SEC22A: variants seen among roughly 807,000 people sequenced by gnomAD.
The protein encoded by SEC22A is vesicle-trafficking protein SEC22a.
Under a neutral mutation model 35.3 loss-of-function variants are expected in SEC22A, and 22 were observed. The observed-to-expected ratio is 0.62, with a 90% CI of 0.45 to 0.89. The LOEUF is 0.89. Among genes scored for constraint, SEC22A ranks in the 40% least tolerant of loss-of-function variants. SEC22A has a pLI of 0.00. For synonymous variants in SEC22A, 119 were observed against 129.5 expected, an observed-to-expected ratio of 0.92 and a Z score of 0.55; for missense variants, 354 against 362.5, an observed-to-expected ratio of 0.98 and a Z score of 0.19.
chr3:123,226,666 G>A (rs1050374531), intron 4 of SEC22A, among the ~76,000 whole-genome samples: 9 of 152,174 alleles, frequency 5.9e-5, no homozygotes, highest in African/African-American at 2.2e-4. Context: ...CATTCTGTGG[G>A]TTGTCTCTTC....
chr3:123,207,908 T>G (rs1936877180), intron 1 of SEC22A, among the ~76,000 whole-genome samples: 1 of 152,236 alleles, frequency 6.6e-6, no homozygotes, highest in Admixed American at 6.5e-5. Context: ...TTCCTTTAGC[T>G]TTAGGATTTA....
At chr3:123,268,534 G>C (rs1449883250) in intron 6 of SEC22A, among the ~76,000 whole-genome samples, 1 of 152,154 alleles carries the variant, frequency 6.6e-6, no homozygotes. Flanking sequence ...AGGGAAAAGT[G>C]TGTCTACTCC....
intron 4 of SEC22A, among the ~76,000 whole-genome samples, chr3:123,228,946 A>T (rs1937265159): frequency 6.6e-6 from 1 of 152,212 alleles, no homozygotes; most frequent in African/African-American, 2.4e-5. Flanking sequence ...GATAGAGATT[A>T]TCTAATCTGA....
chr3:123,217,785 A>G (rs1285060111), intron 2 of SEC22A, among the ~76,000 whole-genome samples: 1 of 152,192 alleles, frequency 6.6e-6, no homozygotes, highest in Non-Finnish European at 1.5e-5. Flanking sequence ...TTATGTATAT[A>G]TCTTGGTTTG....
chr3:123,262,764 G>A (rs1221771248), intron 6 of SEC22A, among the ~76,000 whole-genome samples: 3 of 152,140 alleles, frequency 2.0e-5, no homozygotes, highest in Admixed American at 1.3e-4. Flanking sequence ...AGTATATCAG[G>A]ATGTGACCCT....
chr3:123,240,188 G>C (rs1284401511), intron 4 of SEC22A, among the ~76,000 whole-genome samples: 1 of 152,104 alleles, frequency 6.6e-6, no homozygotes, highest in Non-Finnish European at 1.5e-5. Context: ...TGGTCAGCAA[G>C]GCCCAAGAGG....
intron 4 of SEC22A, among the ~76,000 whole-genome samples, chr3:123,226,160 A>G (rs534220559): frequency 6.6e-6 from 1 of 152,316 alleles, no homozygotes; most frequent in East Asian, 1.9e-4. Flanking sequence ...AGTAAACATG[A>G]GAATGCAGAT....
chr3:123,250,634 GC>G (rs1181601849), intron 5 of SEC22A, among the ~76,000 whole-genome samples: 1 of 152,120 alleles, frequency 6.6e-6, no homozygotes, highest in Non-Finnish European at 1.5e-5. Flanking sequence ...TAGATCCCCA[GC>G]CATAATGGAG....
rs533386545 is a variant in SEC22A, at chr3:123,260,131, C to CAAAAAAAAAAAAAA, written c.723+567_723+580dup. On this transcript the variant is annotated intron_variant, in intron 6 of 6. Coordinates refer to ENST00000492595, the MANE Select transcript of SEC22A (RefSeq NM_012430.5). ...TGGGCAACAGAGCGAGACTACATCT[C>CAAAAAAAAAAAAAA]AAAAAAAAAAAAAAAAAAAAAAAAA... Among the ~76,000 whole-genome samples the CAAAAAAAAAAAAAA allele has an allele frequency of 9.4e-4, 47 of 49,784 alleles. 5 individuals are homozygous for CAAAAAAAAAAAAAA. The highest frequency in any genetic ancestry group is 1.3e-3 in the Non-Finnish European group (39 of 31,072). 32.7% of individuals were successfully genotyped at this position (49,784 alleles called of 152,430 possible).
At chr3:123,241,002 T>TAC (rs35775511) in intron 4 of SEC22A, among the ~76,000 whole-genome samples, 8,519 of 142,596 alleles carry the variant, frequency 0.06, 334 homozygotes, top group African/African-American at 0.11. Flanking sequence ...CTCTCTTTCT[T>TAC]ACACACACAC....
At chr3:123,223,743 T>TC (rs751712554) in intron 3 of SEC22A, 21 bp downstream of exon 3, 1 of 1,586,302 alleles carries the variant, frequency 6.3e-7, no homozygotes, top group East Asian at 2.2e-5. Flanking sequence ...GATTTTTTTT[T>TC]CCTTTTTATT....
intron 5 of SEC22A, among the ~76,000 whole-genome samples, chr3:123,251,451 G>C (rs1331380988): frequency 6.6e-6 from 1 of 152,070 alleles, no homozygotes; most frequent in Non-Finnish European, 1.5e-5. Flanking sequence ...GGTTCATATG[G>C]GGATTCTTAG....
At chr3:123,241,700 T>G (rs2108072219) in intron 4 of SEC22A, among the ~76,000 whole-genome samples, 1 of 152,308 alleles carries the variant, frequency 6.6e-6, no homozygotes, top group East Asian at 1.9e-4. Context: ...TTCAGTAGTA[T>G]TCACTTAATG....
chr3:123,235,613 A>G (rs766449219), intron 4 of SEC22A, among the ~76,000 whole-genome samples: 20 of 152,210 alleles, frequency 1.3e-4, no homozygotes, highest in Non-Finnish European at 2.2e-4. Context: ...ACTTTGGAAA[A>G]CAGTTTGGAA....
Position 123,225,645 on chromosome 3 carries a change from A to T in SEC22A, c.541+348A>T, listed in dbSNP as rs187290535. 6.6e-5 allele frequency among the ~76,000 whole-genome samples: 10 copies of T among 152,346 alleles called. 1 individual carries two copies. Among genetic ancestry groups the T allele is most frequent in the Admixed American group, 4.6e-4 (7 of 15,302 alleles). ...GTATGCAATGTGTAATAATCACATT[A>T]GGGTAAATGGGGTATTCATCACCTC... On this transcript the variant is annotated intron_variant, in intron 4 of 6. Transcript: ENST00000492595.
chr3:123,238,137 G>A (rs1253494044), intron 4 of SEC22A, among the ~76,000 whole-genome samples: 1 of 150,948 alleles, frequency 6.6e-6, no homozygotes, highest in African/African-American at 2.4e-5. Context: ...CTGGGTGACA[G>A]AGTGAGACCC....
chr3:123,268,239 AG>A (rs1388540987), intron 6 of SEC22A, among the ~76,000 whole-genome samples: 1 of 152,208 alleles, frequency 6.6e-6, no homozygotes, highest in Non-Finnish European at 1.5e-5. Flanking sequence ...TGTCTTGCTA[AG>A]GTGCCTCTTT....
chr3:123,206,807 G>T (rs545524981), intron 1 of SEC22A, among the ~76,000 whole-genome samples: 29 of 152,328 alleles, frequency 1.9e-4, no homozygotes, highest in Admixed American at 1.9e-3. Context: ...GAATGGAGAG[G>T]CTGGGCGTGG....
intron 1 of SEC22A, among the ~76,000 whole-genome samples, chr3:123,204,217 A>G (rs1473776740): frequency 2.0e-5 from 3 of 152,242 alleles, no homozygotes; most frequent in Non-Finnish European, 4.4e-5. Flanking sequence ...AATTAGGAGA[A>G]AAACTTAACA....
Sources: allele counts gnomAD v4.1 joint callset (sites outside exome capture counted in the v4.1 genomes callset), GRCh38; gene constraint gnomAD v4.1.1; transcripts MANE v1.5; gene names NCBI Gene and HGNC (gene_info 2026-07-23, HGNC 2026-07-21).